NBPF19: variants seen among roughly 807,000 people sequenced by gnomAD.
NBPF19 encodes NBPF family member NBPF19.
Under a neutral mutation model 45.9 loss-of-function variants are expected in NBPF19, and 30 were observed. That is an observed-to-expected ratio of 0.65 (90% CI 0.49 to 0.89). NBPF19 has a LOEUF of 0.89. NBPF19 is among the 40% of genes least tolerant of loss of function. The pLI, the probability that NBPF19 is intolerant of heterozygous loss-of-function variation, is 0.00. For missense variants in NBPF19, 495 were observed against 471.8 expected (o/e 1.05, Z -0.46); for synonymous variants, 183 against 181.2 (o/e 1.01, Z -0.08).
Position 149,555,004 on chromosome 1 carries a change from C to G in NBPF19, c.*266C>G, listed in dbSNP as rs1391069390. The G allele has an allele frequency of 0.014, 8,065 of 587,508 alleles. 491 individuals are homozygous for G. Among genetic ancestry groups the G allele is most frequent in the East Asian group, 0.1 (2,973 of 29,138 alleles). 36.4% of individuals were successfully genotyped at this position (587,508 alleles called of 1,614,324 possible). A position where few individuals can be genotyped will look rare whatever the true frequency, so the allele number is the denominator to read the frequency against. The stretch of plus-strand genomic sequence containing the variant: ...GGACATTTTAATTTGAACCACGTAT[C>G]TTTGGGTAGCTACAAAATTCCTCAG... On this transcript the variant is annotated 3_prime_UTR_variant, in exon 94 of 94. Coordinates refer to ENST00000651566, the MANE Select transcript of NBPF19 (RefSeq NM_001351365.2).
intron 8 of NBPF19, among the ~76,000 whole-genome samples, chr1:149,486,631 G>C (rs1243831672): frequency 6.6e-6 from 1 of 151,446 alleles, no homozygotes; most frequent in East Asian, 1.9e-4. Context: ...TGAATTAAAT[G>C]TCTTTTGCCA....
Position 149,487,318 on chromosome 1 carries a change from G to A in NBPF19, c.989-14G>A, listed in dbSNP as rs2085594159. On this transcript the variant is annotated splice_polypyrimidine_tract_variant and intron_variant, in intron 8 of 93. Transcript: ENST00000651566. ...GAACTTAATGTAAGAGGGCCCATCTGAATTTATTTGCAGGACATCGCTGGG... is the reference window on the plus strand; with the variant it reads ...GAACTTAATGTAAGAGGGCCCATCTAAATTTATTTGCAGGACATCGCTGGG... 9 of 1,560,998 alleles carry A rather than the reference G, an allele frequency of 5.8e-6. No individual in the cohort carries two copies. The highest frequency in any genetic ancestry group is 3.3e-5 in the South Asian group (3 of 90,384).
rs1240407984 is a variant in NBPF19, at chr1:149,556,269, G to T, written c.*1531G>T. The T allele has an allele frequency of 4.7e-5, 7 of 147,406 alleles. 1 individual carries two copies. The highest frequency in any genetic ancestry group is 9.0e-5 in the Non-Finnish European group (6 of 66,404). 9.1% of individuals were successfully genotyped at this position (147,406 alleles called of 1,614,324 possible). ...CTTTTGCCTATCACTCTGGACTTTT[G>T]GATTGTTTTTTACATTCAGTGTTAT... On this transcript the variant is annotated 3_prime_UTR_variant, in exon 94 of 94. Transcript: ENST00000651566.
intron 17 of NBPF19, 135 bp from the exon 18 acceptor site, chr1:149,494,183 A>G (rs2085993910): frequency 3.8e-6 from 2 of 524,020 alleles, no homozygotes; most frequent in Admixed American, 3.7e-5. Context: ...CATAAAGGCA[A>G]TAATTCATTA....
chr1:149,478,274 T>C (rs1392206705), intron 3 of NBPF19, among the ~76,000 whole-genome samples: 3 of 151,208 alleles, frequency 2.0e-5, no homozygotes, highest in Non-Finnish European at 4.4e-5. Context: ...CAAGTAATTG[T>C]TGAGGTGAAA....
At chr1:149,538,473 G>T (rs2087047574) in intron 73 of NBPF19, among the ~76,000 whole-genome samples, 1 of 34,192 alleles carries the variant, frequency 2.9e-5, no homozygotes, top group Non-Finnish European at 7.7e-5. Context: ...GTGTGTGTGT[G>T]TGTGTCTATC....
rs2101733451 is a variant in NBPF19, at chr1:149,554,624, C to T, written c.11418C>T (p.Tyr3806=). ...DSFQHYRSVF[Y]SFEEEHISFA... The stretch of plus-strand genomic sequence containing the variant: ...TCCAGCACTACAGAAGTGTGTTTTA[C>T]TCATTTGAGGAAGAGCATATCAGCT... The change falls in exon 94 of 94, where the codon TAC becomes TAT. Residue 3806 remains tyrosine (Y), a synonymous_variant. Transcript: ENST00000651566. The T allele has an allele frequency of 1.9e-6, 3 of 1,608,336 alleles. No individual in the cohort carries two copies. In the East Asian group the frequency reaches 6.7e-5, roughly 36 times the overall value.
At chr1:149,521,039 G>C (rs2086701297) in intron 51 of NBPF19, among the ~76,000 whole-genome samples, 10 of 62,484 alleles carry the variant, frequency 1.6e-4, no homozygotes, top group African/African-American at 6.5e-4. Context: ...TTACCAGTAT[G>C]TCACCTGGCC....
chr1:149,497,655 A>T lies in NBPF19; in HGVS notation c.2635A>T (p.Ile879Leu). ...CCAGCCCTACAGAAGTGCCTTTTAC[A>T]TATTGGAGCAACAGTGTGTTGGCTT... ...SCQPYRSAFYILEQQCVGLAI... is the reference protein window; with the variant it reads ...SCQPYRSAFYLLEQQCVGLAI... The change falls in exon 22 of 94, where the codon ATA (isoleucine) becomes TTA (leucine). Residue 879 changes from isoleucine (I) to leucine (L), a missense_variant. By Grantham distance (5) the Ile-to-Leu change is conservative (BLOSUM62 2). Transcript: ENST00000651566. The T allele has an allele frequency of 6.1e-6, 1 of 163,524 alleles. No individual in the cohort carries two copies. Among genetic ancestry groups the T allele is most frequent in the Non-Finnish European group, 8.2e-6 (1 of 122,248 alleles). 10.1% of individuals were successfully genotyped at this position (163,524 alleles called of 1,614,324 possible).
At position 149,487,052 on chromosome 1, in the gene NBPF19, A is replaced by G. The variant is rs1433351730; in HGVS notation, c.989-280A>G. On this transcript the variant is annotated intron_variant, in intron 8 of 93. Transcript: ENST00000651566. ...TGAGGTGTTAGAACTATTTGCCTACAATTTATTGGGGAAAAATTGCTCATT... is the reference window on the plus strand; with the variant it reads ...TGAGGTGTTAGAACTATTTGCCTACGATTTATTGGGGAAAAATTGCTCATT... 3.5e-3 allele frequency among the ~76,000 whole-genome samples: 529 copies of G among 150,806 alleles called. 15 individuals are homozygous for G. The highest frequency in any genetic ancestry group is 0.012 in the African/African-American group (513 of 41,154).
At position 149,555,105 on chromosome 1, in the gene NBPF19, C is replaced by G. The variant is rs2087216348; in HGVS notation, c.*367C>G. Reference sequence around the variant, plus strand: ...AGTGTCATCTTTGTGTTTAGCTCATCCAAAGGTGTTACCCTGGTTTCAATG... The same window carrying G: ...AGTGTCATCTTTGTGTTTAGCTCATGCAAAGGTGTTACCCTGGTTTCAATG... On this transcript the variant is annotated 3_prime_UTR_variant, in exon 94 of 94. Transcript: ENST00000651566. 2 of 323,656 alleles carry G rather than the reference C, an allele frequency of 6.2e-6. No individual in the cohort carries two copies. The highest frequency in any genetic ancestry group is 5.9e-6 in the Non-Finnish European group (1 of 170,892). The allele number at this position is 323,656 out of a possible 1,614,324, so 20.0% of individuals were successfully genotyped here. A position where few individuals can be genotyped will look rare whatever the true frequency, so the allele number is the denominator to read the frequency against.
At chr1:149,476,604 T>TA (rs1196134957) in intron 2 of NBPF19, among the ~76,000 whole-genome samples, 1 of 102,264 alleles carries the variant, frequency 9.8e-6, no homozygotes, top group Non-Finnish European at 2.1e-5. Context: ...AGTCTGCTCC[T>TA]AATAGAACCT....
intron 61 of NBPF19, among the ~76,000 whole-genome samples, chr1:149,528,916 G>T (rs1405351581): frequency 2.2e-4 from 28 of 127,832 alleles, no homozygotes; most frequent in Non-Finnish European, 3.9e-4. Context: ...TGTGTCACCT[G>T]GACAATTCAC....
intron 4 of NBPF19, among the ~76,000 whole-genome samples, chr1:149,479,718 C>T (rs1226751663): frequency 1.3e-5 from 2 of 149,990 alleles, no homozygotes; most frequent in Non-Finnish European, 3.0e-5. Flanking sequence ...CATGGAGGGC[C>T]TGTGCAGTCT....
At position 149,554,596 on chromosome 1, in the gene NBPF19, C is replaced by A; in HGVS notation, c.11390C>A (p.Ser3797Ter). ...TPSMYFELPD[S>*]FQHYRSVFYS... ...TCAATGTACTTTGAACTACCTGACT[C>A]ATTCCAGCACTACAGAAGTGTGTTT... is the stretch of plus-strand genomic sequence containing the variant. The change falls in exon 94 of 94, where the codon TCA (serine) becomes TAA (stop). Residue 3797 changes from serine (S) to a stop codon, truncating the protein, a stop_gained. Coordinates refer to ENST00000651566, the MANE Select transcript of NBPF19 (RefSeq NM_001351365.2). LOFTEE classifies it low-confidence loss of function (END_TRUNC). 1 of 1,608,316 alleles carries A rather than the reference C, an allele frequency of 6.2e-7. No homozygotes were observed. The highest frequency in any genetic ancestry group is 1.1e-5 in the South Asian group (1 of 90,886).
rs2085593729 is a variant in NBPF19, at chr1:149,487,315, T to C, written c.989-17T>C. On this transcript the variant is annotated splice_polypyrimidine_tract_variant and intron_variant, in intron 8 of 93. Coordinates refer to ENST00000651566, the MANE Select transcript of NBPF19 (RefSeq NM_001351365.2). ...GAAGAACTTAATGTAAGAGGGCCCA[T>C]CTGAATTTATTTGCAGGACATCGCT... 4 of 1,557,696 alleles carry C rather than the reference T, an allele frequency of 2.6e-6. No individual in the cohort carries two copies. The Admixed American group carries it at 6.7e-5, about 26-fold the overall frequency.
chr1:149,487,823 G>A (rs1192265630), intron 9 of NBPF19, among the ~76,000 whole-genome samples, 190 bp from the exon 10 acceptor site: 2 of 135,012 alleles, frequency 1.5e-5, no homozygotes, highest in Non-Finnish European at 3.2e-5. Context: ...GTGTGTGTGT[G>A]TCTTTCTCGT....
At chr1:149,487,176 C>G (rs1401490856) in intron 8 of NBPF19, among the ~76,000 whole-genome samples, 156 bp from the exon 9 acceptor site, 12 of 151,174 alleles carry the variant, frequency 7.9e-5, no homozygotes, top group African/African-American at 1.2e-4. Context: ...CCAGTTTTCT[C>G]AAGACTTGAC....
chr1:149,556,113 G>T lies in NBPF19; in HGVS notation c.*1375G>T, dbSNP rs1224272904. On this transcript the variant is annotated 3_prime_UTR_variant, in exon 94 of 94. Transcript: ENST00000651566. Reference sequence around the variant, plus strand: ...ATTATTATATTCATATCTCTACGCTGCAAAATTTGGGTCTCAATTTTTACT... The same window carrying T: ...ATTATTATATTCATATCTCTACGCTTCAAAATTTGGGTCTCAATTTTTACT... 1.4e-5 allele frequency: 2 copies of T among 147,648 alleles called. No homozygotes were observed. The highest frequency in any genetic ancestry group is 3.0e-5 in the Non-Finnish European group (2 of 66,858). 9.1% of individuals were successfully genotyped at this position (147,648 alleles called of 1,614,324 possible). A position where few individuals can be genotyped will look rare whatever the true frequency, so the allele number is the denominator to read the frequency against.
Sources: allele counts gnomAD v4.1 joint callset (sites outside exome capture counted in the v4.1 genomes callset), GRCh38; gene constraint gnomAD v4.1.1; transcripts MANE v1.5; gene names NCBI Gene and HGNC (gene_info 2026-07-23, HGNC 2026-07-21).